Variants in UBE3B observed in about 807,000 individuals in gnomAD.
The protein encoded by UBE3B is ubiquitin protein ligase E3B.
In UBE3B, 80 loss-of-function variants were observed where a neutral mutation model predicts 132.3. That is an observed-to-expected ratio of 0.60 (90% CI 0.50 to 0.73). The LOEUF is 0.73. Ranked by LOEUF, UBE3B falls within the 30% of genes least tolerant of loss-of-function variation. The pLI, the probability that UBE3B is intolerant of heterozygous loss-of-function variation, is 0.00. For synonymous variants in UBE3B, 487 were observed against 520.4 expected (o/e 0.94, Z 0.87); for missense variants, 1,196 against 1,362.5 (o/e 0.88, Z 1.92).
rs141086391 is a variant in UBE3B, at chr12:109,507,634, G to T, written c.1521G>T (p.Gly507=). The stretch of plus-strand genomic sequence containing the variant: ...TCTGTGAGCTCGGGCCCCACGGAGG[G>T]TTAAAGCTCTTCTTGGAATGCCTGA... ...AFICELGPHG[G]LKLFLECLNN... Residue 507 remains glycine, a synonymous_variant, in exon 15 of 28, where the codon GGG becomes GGT. Transcript: ENST00000342494. 6.2e-7 allele frequency: 1 copy of T among 1,614,190 alleles called. No homozygotes were observed. The highest frequency in any genetic ancestry group is 8.5e-7 in the Non-Finnish European group (1 of 1,180,028).
At chr12:109,546,504 G>A in the UBE3B span, among the ~76,000 whole-genome samples, 2 of 152,208 alleles carry the variant, frequency 1.3e-5, no homozygotes, top group African/African-American at 4.8e-5. Flanking sequence ...GGTCTCTTTA[G>A]GATGCTGTGG....
Position 109,521,249 on chromosome 12 carries a change from T to C in UBE3B, c.2178T>C (p.Asp726=), listed in dbSNP as rs993972062. 1.9e-6 allele frequency: 3 copies of C among 1,614,052 alleles called. No homozygotes were observed. In the African/African-American group the frequency reaches 4.0e-5, roughly 22 times the overall value. Residue 726 remains aspartate (D), a synonymous_variant, in exon 20 of 28, where the codon GAT becomes GAC. Coordinates refer to ENST00000342494, the MANE Select transcript of UBE3B (RefSeq NM_130466.4). The surrounding 1 kb of genome is among the most constrained non-coding windows in gnomAD (Gnocchi z 4.2). ...NDLGVDEAGI[D]QDGVFKEFLE... ...TCGGGGTGGACGAAGCAGGGATTGA[T>C]CAAGACGGTGTTTTTAAGGAGTTCT...
Position 109,521,710 on chromosome 12 carries a change from A to G in UBE3B, c.2364+159A>G, listed in dbSNP as rs918574440. 6.6e-6 allele frequency among the ~76,000 whole-genome samples: 1 copy of G among 152,210 alleles called. No homozygotes were observed. Among genetic ancestry groups the G allele is most frequent in the African/African-American group, 2.4e-5 (1 of 41,462 alleles). ...CCAAGGTTTGTTGTACACCAGTGCTAGGTACTTTGCCTGTGGCATCTCATC... is the reference window on the plus strand; with the variant it reads ...CCAAGGTTTGTTGTACACCAGTGCTGGGTACTTTGCCTGTGGCATCTCATC... On this transcript the variant is annotated intron_variant, in intron 21 of 27. Coordinates refer to ENST00000342494, the MANE Select transcript of UBE3B (RefSeq NM_130466.4). This position sits in a 1 kb window ranked among gnomAD's most constrained non-coding sequence, Gnocchi z 4.2.
intron 4 of UBE3B, among the ~76,000 whole-genome samples, chr12:109,485,348 G>A (rs750250486): frequency 7.2e-5 from 11 of 152,226 alleles, no homozygotes; most frequent in Admixed American, 2.0e-4. Flanking sequence ...CGCTCATGGA[G>A]CTCATAGCCC....
intron 9 of UBE3B, among the ~76,000 whole-genome samples, chr12:109,496,737 A>G (rs1205429413): frequency 6.6e-6 from 1 of 152,186 alleles, no homozygotes; most frequent in Non-Finnish European, 1.5e-5. Context: ...TGGATGTTTC[A>G]TCTTTTATGA....
At position 109,510,405 on chromosome 12, in the gene UBE3B, G is replaced by A. The variant is rs200342908; in HGVS notation, c.1803G>A (p.Leu601=). 5.6e-6 allele frequency: 9 copies of A among 1,613,196 alleles called. No homozygotes were observed. In the Admixed American group the frequency reaches 1.3e-4, roughly 24 times the overall value. The change falls in exon 17 of 28, where the codon CTG becomes CTA. Residue 601 remains leucine (L), a synonymous_variant. Coordinates refer to ENST00000342494, the MANE Select transcript of UBE3B (RefSeq NM_130466.4). ...FQSVHGWLMV[L]YERDCRRRFT... ...CTGTCCACGGGTGGCTTATGGTGCTGTACGAGCGGGACTGCCGGCGGCGCT... is the reference window on the plus strand; with the variant it reads ...CTGTCCACGGGTGGCTTATGGTGCTATACGAGCGGGACTGCCGGCGGCGCT...
chr12:109,479,828 C>T (rs1031803965), intron 1 of UBE3B, among the ~76,000 whole-genome samples: 1 of 152,136 alleles, frequency 6.6e-6, no homozygotes, highest in African/African-American at 2.4e-5. Context: ...GTTTTAAGAT[C>T]GTCTTACAGT....
chr12:109,478,647 G>A (rs1874765709), intron 1 of UBE3B, among the ~76,000 whole-genome samples: 1 of 152,190 alleles, frequency 6.6e-6, no homozygotes, highest in Non-Finnish European at 1.5e-5. Context: ...CGGGCGTGGT[G>A]GCGGGCGCCT....
At chr12:109,507,477 A>G (rs1206144103) in intron 14 of UBE3B, 87 bp from the exon 15 acceptor site, 12 of 1,401,410 alleles carry the variant, frequency 8.6e-6, no homozygotes, top group Non-Finnish European at 1.2e-5. Flanking sequence ...GATAGGTTTA[A>G]GTGTTTTGTT....
intron 10 of UBE3B, 81 bp downstream of exon 10, chr12:109,498,004 T>C: frequency 1.3e-6 from 2 of 1,489,452 alleles, no homozygotes; most frequent in Non-Finnish European, 1.9e-6. Context: ...TAAAATGGCT[T>C]CTCTGCTTAT....
chr12:109,518,591 T>C (rs1224904943), intron 19 of UBE3B, among the ~76,000 whole-genome samples: 2 of 152,098 alleles, frequency 1.3e-5, no homozygotes, highest in African/African-American at 4.8e-5. Flanking sequence ...TCAGCCCCAC[T>C]ACCCATCACG....
chr12:109,487,061 G>A (rs559779646), intron 6 of UBE3B, among the ~76,000 whole-genome samples: 29 of 152,066 alleles, frequency 1.9e-4, no homozygotes, highest in Middle Eastern at 3.4e-3. Context: ...GGGTCACCTC[G>A]TCCTTTCCTG....
chr12:109,537,517 C>A (rs1883497974), downstream of UBE3B, among the ~76,000 whole-genome samples: 1 of 152,178 alleles, frequency 6.6e-6, no homozygotes, highest in Non-Finnish European at 1.5e-5. Context: ...GGCTTGTGGC[C>A]TCTCTGGAAG....
rs1878446218 is a variant in UBE3B at position 109,497,930 on chromosome 12, A to T, written c.819+7A>T. The T allele has an allele frequency of 6.2e-7, 1 of 1,613,454 alleles. No homozygotes were observed. The highest frequency in any genetic ancestry group is 1.1e-5 in the South Asian group (1 of 91,016). On this transcript the variant is annotated splice_region_variant and intron_variant, in intron 10 of 27. Coordinates refer to ENST00000342494, the MANE Select transcript of UBE3B (RefSeq NM_130466.4). ...CAGCACAGTGACCCCTGAGGTAAGCAGGCTCTGTGAGTTCCCCGTGAAAAC... is the reference window on the plus strand; with the variant it reads ...CAGCACAGTGACCCCTGAGGTAAGCTGGCTCTGTGAGTTCCCCGTGAAAAC...
At chr12:109,547,091 G>A in the UBE3B span, among the ~76,000 whole-genome samples, 1 of 152,158 alleles carries the variant, frequency 6.6e-6, no homozygotes, top group African/African-American at 2.4e-5. This position sits in a 1 kb window ranked among gnomAD's most constrained non-coding sequence, Gnocchi z 4.1. Flanking sequence ...ATGAGACAAA[G>A]AGCCCCATGG....
intron 2 of UBE3B, among the ~76,000 whole-genome samples, chr12:109,483,008 T>G (rs1875748428): frequency 6.6e-6 from 1 of 152,376 alleles, no homozygotes; most frequent in East Asian, 1.9e-4. Context: ...AAGTATGCAC[T>G]GGTAAATATT....
At chr12:109,495,350 T>A (rs1022779011) in intron 9 of UBE3B, among the ~76,000 whole-genome samples, 2 of 152,256 alleles carry the variant, frequency 1.3e-5, no homozygotes, top group African/African-American at 4.8e-5. Flanking sequence ...TACCTTTTTT[T>A]CTGCATGACC....
chr12:109,536,476 A>G lies in UBE3B; in HGVS notation c.*1694A>G, dbSNP rs1410372593. 7.2e-6 allele frequency: 1 copy of G among 138,878 alleles called. No individual in the cohort carries two copies. The highest frequency in any genetic ancestry group is 1.6e-5 in the Non-Finnish European group (1 of 64,034). 8.6% of individuals were successfully genotyped at this position (138,878 alleles called of 1,614,324 possible). A position where few individuals can be genotyped will look rare whatever the true frequency, so the allele number is the denominator to read the frequency against. On this transcript the variant is annotated 3_prime_UTR_variant, in exon 28 of 28. Transcript: ENST00000342494. ...ATTTATAAGCACCAATATCAACTTCATGTGGATTTTTGACAAGGAGGGGTA... is the reference window on the plus strand; with the variant it reads ...ATTTATAAGCACCAATATCAACTTCGTGTGGATTTTTGACAAGGAGGGGTA...
chr12:109,508,808 A>G (rs181081068), intron 15 of UBE3B: 4 of 921,200 alleles, frequency 4.3e-6, no homozygotes, highest in Admixed American at 6.2e-5. Flanking sequence ...TCATTTATTC[A>G]TATGTTCTTT....
Sources: gnomAD v4.1 joint callset for allele counts (sites outside exome capture counted in the v4.1 genomes callset) on GRCh38, gnomAD v4.1.1 for gene constraint, Gnocchi (gnomAD v3.1) non-coding constraint, MANE v1.5 for transcripts, NCBI Gene and HGNC (gene_info 2026-07-23, HGNC 2026-07-21) for gene names.